Variants in BIN1 observed in about 807,000 individuals in gnomAD.
The protein encoded by BIN1 is myc box-dependent-interacting protein 1.
Under a neutral mutation model 82.0 loss-of-function variants are expected in BIN1, and 53 were observed. That is an observed-to-expected ratio of 0.65 (90% CI 0.52 to 0.81). BIN1 has a LOEUF of 0.81. Ranked by LOEUF, BIN1 falls within the 40% of genes least tolerant of loss-of-function variation. The pLI is 0.00. For synonymous variants in BIN1, 302 were observed against 328.0 expected, an observed-to-expected ratio of 0.92 and a Z score of 0.86; for missense variants, 642 against 784.4, an observed-to-expected ratio of 0.82 and a Z score of 2.17.
chr2:127,084,143 G>GA (rs756107316), intron 1 of BIN1, among the ~76,000 whole-genome samples: 3 of 152,024 alleles, frequency 2.0e-5, no homozygotes, highest in Non-Finnish European at 1.5e-5. Flanking sequence ...GCCTGGAGGA[G>GA]AAAAAAAACT....
chr2:127,055,676 G>C (rs991676525), intron 12 of BIN1: 2 of 149,546 alleles, frequency 1.3e-5, no homozygotes, highest in Non-Finnish European at 3.0e-5. Context: ...AGCAATATCC[G>C]TCATGTGCTG....
rs1687419277 is a variant in BIN1 at position 127,082,433 on chromosome 2, T to A, written c.85-5727A>T. On this transcript the variant is annotated intron_variant, in intron 1 of 18. Transcript: ENST00000316724. The surrounding 1 kb of genome is among the most constrained non-coding windows in gnomAD (Gnocchi z 6.1). ...CACTCAGCTGGGGATACCAGGGACA[T>A]CGCAGGACAAGTCTGCACCGAGACC... is the stretch of plus-strand genomic sequence containing the variant. Among the ~76,000 whole-genome samples the A allele has an allele frequency of 6.6e-6, 1 of 152,030 alleles. No homozygotes were observed. Among genetic ancestry groups the A allele is most frequent in the Non-Finnish European group, 1.5e-5 (1 of 67,986 alleles).
chr2:127,070,207 G>T, intron 4 of BIN1, 117 bp from the exon 5 acceptor site: 1 of 822,848 alleles, frequency 1.2e-6, no homozygotes. Context: ...TGGCTTCTCA[G>T]AGCCTCAGTT....
chr2:127,064,301 G>C (rs1684878667), intron 7 of BIN1, among the ~76,000 whole-genome samples: 1 of 152,248 alleles, frequency 6.6e-6, no homozygotes, highest in African/African-American at 2.4e-5. Context: ...GGCACAACAA[G>C]AGGGGCAAGC....
chr2:127,085,754 G>T (rs536891830), intron 1 of BIN1, among the ~76,000 whole-genome samples: 1 of 152,306 alleles, frequency 6.6e-6, no homozygotes, highest in Admixed American at 6.5e-5. Flanking sequence ...GCTCCGAAAG[G>T]GGGAGCTGAG....
rs373020962 is a variant in BIN1, at chr2:127,082,078, G to A, written c.85-5372C>T. ...CCAGGCTTTCTCTGGGCCCAGTCCC[G>A]AGGGAGACACCCCAAGAGGCGAAAG... On this transcript the variant is annotated intron_variant, in intron 1 of 18. Transcript: ENST00000316724. This position sits in a 1 kb window ranked among gnomAD's most constrained non-coding sequence, Gnocchi z 6.1. Among the ~76,000 whole-genome samples, 329 of 152,252 alleles carry A rather than the reference G, an allele frequency of 2.2e-3. No homozygotes were observed. Among genetic ancestry groups the A allele is most frequent in the African/African-American group, 7.3e-3 (305 of 41,564 alleles).
rs373299066 is a variant in BIN1, at chr2:127,073,271, C to T, written c.166-2455G>A. 1.7e-4 allele frequency among the ~76,000 whole-genome samples: 26 copies of T among 152,370 alleles called. 1 individual carries two copies. The East Asian group carries it at 4.0e-3, about 24-fold the overall frequency. ...ACGGAGGCCCCAGCCAGCTACCCTC[C>T]GCAGGGCAGCGTCCAGGCCAGTACA... On this transcript the variant is annotated intron_variant, in intron 2 of 18. Coordinates refer to ENST00000316724, the MANE Select transcript of BIN1 (RefSeq NM_139343.3).
At position 127,048,601 on chromosome 2, in the gene BIN1, G is replaced by C; in HGVS notation, c.1707C>G (p.Ser569Arg). 1 of 1,613,438 alleles carries C rather than the reference G, an allele frequency of 6.2e-7. No individual in the cohort carries two copies. The highest frequency in any genetic ancestry group is 1.1e-5 in the South Asian group (1 of 91,046). ...DEGWLMGVKE[S>R]DWNQHKELEK... is the part of the protein sequence containing the mutation. Reference sequence around the variant, plus strand: ...CCAGCTCCTTGTGCTGGTTCCAGTCGCTCTCCTTCACGCCCATGAGCCAGC... The same window carrying C: ...CCAGCTCCTTGTGCTGGTTCCAGTCCCTCTCCTTCACGCCCATGAGCCAGC... The change falls in exon 19 of 19, where the codon AGC becomes AGG. Residue 569 changes from serine to arginine, a missense_variant. Ser to Arg is a moderately radical substitution (Grantham distance 110). Coordinates refer to ENST00000316724, the MANE Select transcript of BIN1 (RefSeq NM_139343.3).
chr2:127,050,584 C>CG, intron 17 of BIN1, 62 bp from the exon 18 acceptor site: 1 of 1,578,698 alleles, frequency 6.3e-7, no homozygotes, highest in Non-Finnish European at 8.7e-7. Context: ...GCACAGAGCA[C>CG]GGGCCTTGCG....
chr2:127,077,854 C>T (rs1035897492), intron 1 of BIN1, among the ~76,000 whole-genome samples: 1 of 152,154 alleles, frequency 6.6e-6, no homozygotes, highest in Non-Finnish European at 1.5e-5. Flanking sequence ...CAGCAGAGGC[C>T]TCTCCCAGGC....
At chr2:127,074,098 G>A (rs1446522902) in intron 2 of BIN1, among the ~76,000 whole-genome samples, 1 of 152,062 alleles carries the variant, frequency 6.6e-6, no homozygotes, top group Non-Finnish European at 1.5e-5. Flanking sequence ...TGCCATCCTT[G>A]TCCCTTGTAG....
rs553998066 is a variant in BIN1 at position 127,068,047 on chromosome 2, G to C, written c.612+116C>G. The C allele has an allele frequency of 1.3e-4, 142 of 1,108,926 alleles. 1 individual carries two copies. In the Admixed American group the frequency reaches 2.8e-3, roughly 22 times the overall value. 68.7% of individuals were successfully genotyped at this position (1,108,926 alleles called of 1,614,324 possible). On this transcript the variant is annotated intron_variant, in intron 7 of 18. Transcript: ENST00000316724. This position sits in a 1 kb window ranked among gnomAD's most constrained non-coding sequence, Gnocchi z 4.9. ...CAGAGCTCTCCCAGCAGAGGCCTTT[G>C]AAAAACCCTGCCCCAGCTGGGCTCA...
chr2:127,081,848 T>C, intron 1 of BIN1: 20 of 1,287,390 alleles, frequency 1.6e-5, no homozygotes, highest in Non-Finnish European at 2.0e-5. Flanking sequence ...CATCATCTCC[T>C]CCCCACCTGC....
At chr2:127,073,818 G>A (rs1363739235) in intron 2 of BIN1, among the ~76,000 whole-genome samples, 1 of 152,180 alleles carries the variant, frequency 6.6e-6, no homozygotes, top group Admixed American at 6.5e-5. Flanking sequence ...AAGAAGAGCT[G>A]GGATGCCCTG....
intron 8 of BIN1, 37 bp downstream of exon 8, chr2:127,063,896 C>G (rs372824949): frequency 1.2e-4 from 194 of 1,611,934 alleles, no homozygotes; most frequent in Middle Eastern, 1.2e-3. Flanking sequence ...AGACTGGACA[C>G]TGCCCCACGC....
In BIN1 at chr2:127,062,141, G is replaced by A. The variant is rs745538061; in HGVS notation, c.831C>T (p.Asn277=). ...LVGLEKQHGS[N]TFTVKAQPSD... is the part of the protein sequence containing the mutation. ...TGGGCTGGGCCTTGACCGTGAAGGTGTTGCTCCCGTGTTGCTTCTCCAGGC... is the reference window on the plus strand; with the variant it reads ...TGGGCTGGGCCTTGACCGTGAAGGTATTGCTCCCGTGTTGCTTCTCCAGGC... The change falls in exon 10 of 19, where the codon AAC becomes AAT. Residue 277 remains asparagine, a synonymous_variant. Transcript: ENST00000316724. The A allele has an allele frequency of 1.9e-6, 3 of 1,610,850 alleles. No homozygotes were observed. The highest frequency in any genetic ancestry group is 2.2e-5 in the East Asian group (1 of 44,830).
chr2:127,056,302 C>G (rs1368313703), intron 12 of BIN1: 1 of 152,518 alleles, frequency 6.6e-6, no homozygotes, highest in East Asian at 1.9e-4. Flanking sequence ...GCCCTGCCCC[C>G]ACACTGCTCT....
At chr2:127,052,544 A>G (rs1573541468) in intron 14 of BIN1, 182 bp from the exon 15 acceptor site, 1 of 612,518 alleles carries the variant, frequency 1.6e-6, no homozygotes, top group East Asian at 2.8e-5. Context: ...TACCACTGTC[A>G]AAGGGACAGG....
intron 7 of BIN1, among the ~76,000 whole-genome samples, chr2:127,064,391 C>T (rs1684887713): frequency 6.6e-6 from 1 of 152,216 alleles, no homozygotes; most frequent in South Asian, 2.1e-4. Context: ...TGCCCACTTC[C>T]ACAATGAACC....
Sources: gnomAD v4.1 joint callset for allele counts (sites outside exome capture counted in the v4.1 genomes callset) on GRCh38, gnomAD v4.1.1 for gene constraint, Gnocchi (gnomAD v3.1) non-coding constraint, MANE v1.5 for transcripts, NCBI Gene and HGNC (gene_info 2026-07-23, HGNC 2026-07-21) for gene names.